Variants in UBAP2L observed in about 807,000 individuals in gnomAD.
The protein encoded by UBAP2L is ubiquitin-associated protein 2-like.
UBAP2L carries 12 observed loss-of-function variants against 130.6 expected under a neutral mutation model. The ratio of observed to expected loss-of-function variants is 0.09; its 90% confidence interval spans 0.06 to 0.15. The LOEUF (loss-of-function observed/expected upper bound fraction) is 0.15. UBAP2L is among the 10% of genes least tolerant of loss of function. The probability of loss-of-function intolerance (pLI) is 1.00; values close to 1 mark genes in which losing one functional copy is unlikely to be tolerated. For missense variants in UBAP2L, 965 were observed against 1,332.5 expected, an observed-to-expected ratio of 0.72 and a Z score of 4.29; for synonymous variants, 503 against 524.7, an observed-to-expected ratio of 0.96 and a Z score of 0.57.
At chr1:154,243,188 CAAG>C (rs1197983766) in intron 9 of UBAP2L, 26 bp from the exon 10 acceptor site, 2 of 1,586,752 alleles carry the variant, frequency 1.3e-6, no homozygotes, top group Non-Finnish European at 1.7e-6. Context: ...TCCCTGACAC[CAAG>C]AGTGACTAAT....
downstream of UBAP2L, chr1:154,270,987 G>T: frequency 1.3e-6 from 2 of 1,529,724 alleles, no homozygotes; most frequent in East Asian, 2.5e-5. Flanking sequence ...TGAAATCTTC[G>T]CCCTTTAAGA....
At chr1:154,252,533 G>C (rs1329061745) in intron 14 of UBAP2L, among the ~76,000 whole-genome samples, 2 of 151,868 alleles carry the variant, frequency 1.3e-5, no homozygotes, top group Non-Finnish European at 2.9e-5. Context: ...TGCCCTCCTC[G>C]GCCTCCCAAA....
chr1:154,264,849 C>T (rs1682738763), intron 24 of UBAP2L, among the ~76,000 whole-genome samples: 1 of 152,008 alleles, frequency 6.6e-6, no homozygotes, highest in African/African-American at 2.4e-5. Context: ...CACCTTTACT[C>T]TCCACCCTTC....
At chr1:154,258,836 T>C (rs769512954) in intron 20 of UBAP2L, 141 bp from the exon 21 acceptor site, 2 of 653,550 alleles carry the variant, frequency 3.1e-6, no homozygotes, top group Non-Finnish European at 5.3e-6. Flanking sequence ...TTTCCTTAAA[T>C]AAAATTGAAG....
chr1:154,262,427 G>A (rs1386876808), intron 24 of UBAP2L, among the ~76,000 whole-genome samples: 2 of 152,196 alleles, frequency 1.3e-5, no homozygotes, highest in East Asian at 3.8e-4. Context: ...CAGGGAGTGA[G>A]AAGGAATCTT....
intron 8 of UBAP2L, 134 bp from the exon 9 acceptor site, chr1:154,241,379 C>A: frequency 1.3e-6 from 1 of 759,256 alleles, no homozygotes; most frequent in Non-Finnish European, 2.2e-6. Flanking sequence ...TGAGCCACCA[C>A]ACCTGGCCTT....
intron 8 of UBAP2L, 122 bp downstream of exon 8, chr1:154,237,258 G>A (rs1671986217): frequency 2.3e-6 from 2 of 881,682 alleles, no homozygotes; most frequent in Non-Finnish European, 3.6e-6. Flanking sequence ...GGTGAGAAAG[G>A]GCTGGCAGTT....
intron 24 of UBAP2L, chr1:154,263,408 C>A: frequency 6.4e-6 from 8 of 1,252,578 alleles, no homozygotes; most frequent in Non-Finnish European, 8.0e-6. Context: ...TCAATGCACA[C>A]ACCTGCTGTT....
chr1:154,228,014 C>T (rs1668547177), intron 3 of UBAP2L, among the ~76,000 whole-genome samples: 1 of 151,974 alleles, frequency 6.6e-6, no homozygotes, highest in Admixed American at 6.6e-5. Context: ...GTATTTGATG[C>T]TTAATTGCTT....
In UBAP2L at chr1:154,257,143, T is replaced by A; in HGVS notation, c.2238T>A (p.Pro746=). 1 of 1,614,128 alleles carries A rather than the reference T, an allele frequency of 6.2e-7. No homozygotes were observed. Among genetic ancestry groups the A allele is most frequent in the Non-Finnish European group, 8.5e-7 (1 of 1,180,030 alleles). ...CCACATCCAGCACAGTCTCTGCACC[T>A]CCCCCAGTGGTCAGTGTCTCCTCCA... ...FSTTSSTVSA[P]PPVVSVSSSL... is the part of the protein sequence containing the mutation. Residue 746 remains proline, a synonymous_variant, in exon 19 of 27, where the codon CCT becomes CCA. Transcript: ENST00000428931.
chr1:154,238,514 T>C (rs1328252684), intron 8 of UBAP2L, among the ~76,000 whole-genome samples: 1 of 152,166 alleles, frequency 6.6e-6, no homozygotes, highest in Non-Finnish European at 1.5e-5. Context: ...AATTCAGGCA[T>C]GGGGTCCCAG....
intron 4 of UBAP2L, among the ~76,000 whole-genome samples, chr1:154,233,845 G>A (rs1035661795): frequency 6.6e-6 from 1 of 151,212 alleles, no homozygotes; most frequent in Non-Finnish European, 1.5e-5. Context: ...AAAGTTGTGG[G>A]TCACTGACTC....
intron 6 of UBAP2L, among the ~76,000 whole-genome samples, chr1:154,235,581 C>T (rs1671395348): frequency 6.6e-6 from 1 of 152,112 alleles, no homozygotes; most frequent in Non-Finnish European, 1.5e-5. Context: ...GCGATCTTGG[C>T]TCACTGCAAC....
In UBAP2L at chr1:154,246,191, C is replaced by T; in HGVS notation, c.843-13C>T. ...AGTCATTCTTCATGAAGATCCCTTC[C>T]CTTCCCCATTAGAATTGACCTTGCT... is the stretch of plus-strand genomic sequence containing the variant. On this transcript the variant is annotated splice_polypyrimidine_tract_variant and intron_variant, in intron 10 of 26. Transcript: ENST00000428931. 1 of 1,594,540 alleles carries T rather than the reference C, an allele frequency of 6.3e-7. No individual in the cohort carries two copies. The highest frequency in any genetic ancestry group is 8.6e-7 in the Non-Finnish European group (1 of 1,165,022).
downstream of UBAP2L, chr1:154,271,202 G>T: frequency 2.5e-6 from 1 of 393,440 alleles, no homozygotes; most frequent in Non-Finnish European, 4.6e-6. Context: ...GATCAAGAAG[G>T]AGCTGAGACC....
In UBAP2L at chr1:154,255,749, T is replaced by C. The variant is rs778392783; in HGVS notation, c.2151T>C (p.Thr717=). The part of the protein sequence containing the change: ...STSSGRTSTS[T]LLHTSVESEA... Reference sequence around the variant, plus strand: ...CTTCTGGGCGCACTTCGACATCCACTCTTTTGGTAAGTGTGATGCTGAGAG... The same window carrying C: ...CTTCTGGGCGCACTTCGACATCCACCCTTTTGGTAAGTGTGATGCTGAGAG... Residue 717 remains threonine (T), a synonymous_variant, in exon 18 of 27, where the codon ACT becomes ACC. Coordinates refer to ENST00000428931, the MANE Select transcript of UBAP2L (RefSeq NM_014847.4). 1.9e-6 allele frequency: 3 copies of C among 1,613,990 alleles called. No individual in the cohort carries two copies. The highest frequency in any genetic ancestry group is 1.7e-6 in the Non-Finnish European group (2 of 1,179,996).
chr1:154,240,737 G>T (rs969712160), intron 8 of UBAP2L, among the ~76,000 whole-genome samples: 14 of 151,788 alleles, frequency 9.2e-5, no homozygotes, highest in Non-Finnish European at 1.9e-4. Context: ...CCATTATGTG[G>T]TAACCATTTG....
In UBAP2L at chr1:154,228,677, A is replaced by G. The variant is rs373341306; in HGVS notation, c.231A>G (p.Gly77=). The G allele has an allele frequency of 1.9e-6, 3 of 1,613,494 alleles. No homozygotes were observed. In the African/African-American group the frequency reaches 4.0e-5, roughly 22 times the overall value. ...TGATTGCTTTGCATGACTGCAATGG[A>G]GATGTCAACAGAGCTATCAATGTTC... The part of the protein sequence containing the change: ...ECVIALHDCN[G]DVNRAINVLL... Residue 77 remains glycine, a synonymous_variant, in exon 4 of 27, where the codon GGA becomes GGG. Coordinates refer to ENST00000428931, the MANE Select transcript of UBAP2L (RefSeq NM_014847.4).
chr1:154,267,880 C>CTGTTTTTTTTTTTTTTTTT (rs1683763970), intron 25 of UBAP2L, among the ~76,000 whole-genome samples: 1 of 52,056 alleles, frequency 1.9e-5, no homozygotes, highest in Non-Finnish European at 3.6e-5. Flanking sequence ...CTTATTTGGT[C>CTGTTTTTTTTTTTTTTTTT]TTTTTTTTTT....
Sources: allele counts gnomAD v4.1 joint callset (sites outside exome capture counted in the v4.1 genomes callset), GRCh38; gene constraint gnomAD v4.1.1; transcripts MANE v1.5; gene names NCBI Gene and HGNC (gene_info 2026-07-23, HGNC 2026-07-21).